Variants in PGGT1B observed in about 807,000 individuals in gnomAD.
The protein encoded by PGGT1B is protein geranylgeranyltransferase type I subunit beta.
A neutral mutation model predicts 46.1 loss-of-function variants in PGGT1B; 30 were observed. The ratio of observed to expected loss-of-function variants is 0.65; its 90% CI spans 0.49 to 0.88. The LOEUF (loss-of-function observed/expected upper bound fraction) is 0.88. PGGT1B is among the 40% of genes least tolerant of loss of function. The pLI, the probability that PGGT1B is intolerant of heterozygous loss-of-function variation, is 0.00. For synonymous variants in PGGT1B, 170 were observed against 160.0 expected, an observed-to-expected ratio of 1.06 and a Z score of -0.47; for missense variants, 376 against 455.9, an observed-to-expected ratio of 0.82 and a Z score of 1.60.
intron 6 of PGGT1B, among the ~76,000 whole-genome samples, chr5:115,224,896 G>A (rs1756719311): frequency 6.6e-6 from 1 of 151,220 alleles, no homozygotes; most frequent in African/African-American, 2.4e-5. Context: ...ATAAAAACAG[G>A]AAGAAAAGAA....
chr5:115,250,957 C>T (rs1748067968), intron 2 of PGGT1B, among the ~76,000 whole-genome samples: 1 of 152,164 alleles, frequency 6.6e-6, no homozygotes, highest in Non-Finnish European at 1.5e-5. Flanking sequence ...ATTCCCATTA[C>T]TGTATTATTT....
chr5:115,258,625 C>G lies in PGGT1B; in HGVS notation c.140+4087G>C, dbSNP rs368343463. ...CTCCAGCTTTATTCTTCTTATTGTC[C>G]ATTTGCAACAACAACAACAACAAAA... On this transcript the variant is annotated intron_variant, in intron 1 of 8. Coordinates refer to ENST00000419445, the MANE Select transcript of PGGT1B (RefSeq NM_005023.4). Among the ~76,000 whole-genome samples the G allele has an allele frequency of 8.5e-5, 13 of 152,228 alleles. No individual in the cohort carries two copies. The South Asian group carries it at 2.7e-3, about 32-fold the overall frequency.
At chr5:115,254,695 T>C (rs2127031470) in intron 1 of PGGT1B, among the ~76,000 whole-genome samples, 1 of 151,644 alleles carries the variant, frequency 6.6e-6, no homozygotes, top group South Asian at 2.1e-4. Flanking sequence ...TATCAGAAAG[T>C]AATTTAATTC....
chr5:115,219,127 A>G (rs537544078), intron 7 of PGGT1B, among the ~76,000 whole-genome samples: 1 of 152,038 alleles, frequency 6.6e-6, no homozygotes, highest in South Asian at 2.1e-4. Flanking sequence ...TCAAATTGCA[A>G]GGGGCTCCAA....
chr5:115,241,525 CA>C lies in PGGT1B; in HGVS notation c.327+13del. 1 of 1,560,044 alleles carries C rather than the reference CA, an allele frequency of 6.4e-7. No homozygotes were observed. Among genetic ancestry groups the C allele is most frequent in the South Asian group, 1.2e-5 (1 of 84,470 alleles). On this transcript the variant is annotated intron_variant, in intron 3 of 8. Coordinates refer to ENST00000419445, the MANE Select transcript of PGGT1B (RefSeq NM_005023.4). ...ACATCCCTTCTACTTCCTTCTGAACCAAATAGAACCAACCTTTGATGGATTG... is the reference window on the plus strand; with the variant it reads ...ACATCCCTTCTACTTCCTTCTGAACCAATAGAACCAACCTTTGATGGATTG...
chr5:115,233,952 G>A (rs1757083142), intron 5 of PGGT1B, among the ~76,000 whole-genome samples: 1 of 151,838 alleles, frequency 6.6e-6, no homozygotes, highest in African/African-American at 2.4e-5. Context: ...TTACCCTGAA[G>A]ATGTATCTAT....
chr5:115,256,178 G>C (rs1312245699), intron 1 of PGGT1B, among the ~76,000 whole-genome samples: 2 of 152,158 alleles, frequency 1.3e-5, no homozygotes, highest in Non-Finnish European at 1.5e-5. Flanking sequence ...CAGTGGAGGA[G>C]GGAGTTACTG....
rs150238067 is a variant in PGGT1B, at chr5:115,223,552, G to C, written c.659-1544C>G. Among the ~76,000 whole-genome samples, 453 of 152,260 alleles carry C rather than the reference G, an allele frequency of 3.0e-3. 1 individual carries two copies. Among genetic ancestry groups the C allele is most frequent in the African/African-American group, 0.01 (421 of 41,558 alleles). ...GAGTCAAGGGACAGATTCTCCTCTG[G>C]AGACACTGTTGGCGAAAGGAGCCGG... is the stretch of plus-strand genomic sequence containing the variant. On this transcript the variant is annotated intron_variant, in intron 6 of 8. Coordinates refer to ENST00000419445, the MANE Select transcript of PGGT1B (RefSeq NM_005023.4).
rs577228939 is a variant in PGGT1B at position 115,220,607 on chromosome 5, T to C, written c.843+1217A>G. On this transcript the variant is annotated intron_variant, in intron 7 of 8. Transcript: ENST00000419445. The stretch of plus-strand genomic sequence containing the variant: ...TTTAAACTGTTAGTATAATGTGCTA[T>C]GTATATTTTCAACTGTGGAGCTCTT... Among the ~76,000 whole-genome samples the C allele has an allele frequency of 3.4e-4, 51 of 152,104 alleles. No individual in the cohort carries two copies. The South Asian group carries it at 0.01, about 31-fold the overall frequency.
chr5:115,244,192 G>A (rs1240124082), intron 2 of PGGT1B, among the ~76,000 whole-genome samples: 3 of 152,076 alleles, frequency 2.0e-5, no homozygotes, highest in Admixed American at 1.3e-4. Flanking sequence ...CAGGTTGGGC[G>A]CGGTGGCTCA....
At chr5:115,260,337 C>T (rs977053329) in intron 1 of PGGT1B, among the ~76,000 whole-genome samples, 2 of 152,004 alleles carry the variant, frequency 1.3e-5, no homozygotes, top group African/African-American at 2.4e-5. Context: ...CAGAGGAACA[C>T]CTGAATCATT....
chr5:115,233,695 G>A (rs1031459646), intron 5 of PGGT1B, among the ~76,000 whole-genome samples: 1 of 151,656 alleles, frequency 6.6e-6, no homozygotes, highest in Non-Finnish European at 1.5e-5. Context: ...ATAATAAAAT[G>A]AAAAATCATG....
rs1561471923 is a variant in PGGT1B, at chr5:115,221,929, GTTCAA to G, written c.733_737del (p.Leu245GlnfsTer19). The G allele has an allele frequency of 6.2e-7, 1 of 1,604,086 alleles. No homozygotes were observed. Among genetic ancestry groups the G allele is most frequent in the East Asian group, 2.3e-5 (1 of 44,204 alleles). Reference sequence around the variant, plus strand: ...TCATTATACACCACCTCTTTATCCTGTTCAATTCTTTTTCTGAAAAAACTTCTTCT... The same window carrying G: ...TCATTATACACCACCTCTTTATCCTGTTCTTTTTCTGAAAAAACTTCTTCT... On this transcript the variant is annotated frameshift_variant, in exon 7 of 9. Coordinates refer to ENST00000419445, the MANE Select transcript of PGGT1B (RefSeq NM_005023.4). LOFTEE classifies it high-confidence loss of function.
Position 115,221,809 on chromosome 5 carries a change from T to C in PGGT1B, c.843+15A>G. 6.6e-7 allele frequency: 1 copy of C among 1,516,520 alleles called. No homozygotes were observed. Among genetic ancestry groups the C allele is most frequent in the East Asian group, 2.3e-5 (1 of 43,518 alleles). 93.9% of individuals were successfully genotyped at this position (1,516,520 alleles called of 1,614,324 possible). ...CACAGAATATAGGTTTCTCATTTTT[T>C]ATTATTTCTCTTACCTTCAGAGTTG... is the stretch of plus-strand genomic sequence containing the variant. On this transcript the variant is annotated intron_variant, in intron 7 of 8. Transcript: ENST00000419445.
chr5:115,206,467 C>G lies in PGGT1B; in HGVS notation c.*5935G>C, dbSNP rs1756066397. 1 of 151,980 alleles carries G rather than the reference C, an allele frequency of 6.6e-6. No individual in the cohort carries two copies. The highest frequency in any genetic ancestry group is 1.5e-5 in the Non-Finnish European group (1 of 67,880). 9.4% of individuals were successfully genotyped at this position (151,980 alleles called of 1,614,324 possible). A position where few individuals can be genotyped will look rare whatever the true frequency, so the allele number is the denominator to read the frequency against. ...TAGCACTTACTTAAAAGTTCATTTT[C>G]TCACTAACTTGAGATGCTGCCTTTA... On this transcript the variant is annotated 3_prime_UTR_variant, in exon 9 of 9. Transcript: ENST00000419445.
intron 5 of PGGT1B, among the ~76,000 whole-genome samples, chr5:115,233,954 T>G (rs1028913797): frequency 1.3e-5 from 2 of 151,950 alleles, no homozygotes; most frequent in African/African-American, 2.4e-5. Flanking sequence ...ACCCTGAAGA[T>G]GTATCTATAA....
intron 5 of PGGT1B, among the ~76,000 whole-genome samples, 160 bp downstream of exon 5, chr5:115,236,224 TTTAAGA>T (rs1398376760): frequency 1.3e-5 from 2 of 152,158 alleles, no homozygotes; most frequent in African/African-American, 2.4e-5. Flanking sequence ...CAATCTGCAC[TTTAAGA>T]TTATTTCTTT....
rs532808752 is a variant in PGGT1B, at chr5:115,210,914, T to A, written c.*1488A>T. ...AAAACATACAGTTGGCAAACTCAGG[T>A]TTAAAACTAAGCATGCCAATAATAA... On this transcript the variant is annotated 3_prime_UTR_variant, in exon 9 of 9. Transcript: ENST00000419445. 2 of 152,166 alleles carry A rather than the reference T, an allele frequency of 1.3e-5. No individual in the cohort carries two copies. The highest frequency in any genetic ancestry group is 2.1e-4 in the South Asian group (1 of 4,824). 9.4% of individuals were successfully genotyped at this position (152,166 alleles called of 1,614,324 possible).
At chr5:115,254,898 T>C (rs1475317001) in intron 1 of PGGT1B, among the ~76,000 whole-genome samples, 1 of 152,128 alleles carries the variant, frequency 6.6e-6, no homozygotes, top group Non-Finnish European at 1.5e-5. Flanking sequence ...GTAATTTATC[T>C]AGGTAAGATC....
Sources: gnomAD v4.1 joint callset for allele counts (sites outside exome capture counted in the v4.1 genomes callset) on GRCh38, gnomAD v4.1.1 for gene constraint, MANE v1.5 for transcripts, NCBI Gene and HGNC (gene_info 2026-07-23, HGNC 2026-07-21) for gene names.